The following COPG2 variants were observed in gnomAD, a reference collection of about 807,000 sequenced individuals.
COPG2 encodes the protein coat protein complex I subunit gamma 2, also known as coatomer subunit gamma-2.
In COPG2, 37 loss-of-function variants were observed where a neutral mutation model predicts 46.3. That is an observed-to-expected ratio of 0.80 (90% CI 0.61 to 1.05). COPG2 has a LOEUF of 1.05. Among genes scored for constraint, COPG2 ranks in the 50% least tolerant of loss-of-function variants. The pLI, the probability that COPG2 is intolerant of heterozygous loss-of-function variation, is 0.00. For missense variants in COPG2, 427 were observed against 387.8 expected, an observed-to-expected ratio of 1.10 and a Z score of -0.85; for synonymous variants, 159 against 129.7, an observed-to-expected ratio of 1.23 and a Z score of -1.53.
At chr7:130,661,126 C>G (rs938021824) in intron 4 of COPG2, among the ~76,000 whole-genome samples, 1 of 152,180 alleles carries the variant, frequency 6.6e-6, no homozygotes, top group African/African-American at 2.4e-5. Context: ...GGCTATTAGT[C>G]CTATCGAACA....
At chr7:130,613,521 T>C (rs782409463) in intron 7 of COPG2, 23 bp downstream of exon 7, 1 of 1,429,868 alleles carries the variant, frequency 7.0e-7, no homozygotes, top group Non-Finnish European at 9.7e-7. Flanking sequence ...GCTTAAGAAC[T>C]AGGAAGCTGC....
chr7:130,570,759 A>T (rs2116415812), intron 9 of COPG2, among the ~76,000 whole-genome samples: 1 of 152,332 alleles, frequency 6.6e-6, no homozygotes, highest in South Asian at 2.1e-4. Flanking sequence ...ACTAAGCAAA[A>T]AGAACAAATC....
At chr7:130,565,837 G>A (rs1440526808) in intron 9 of COPG2, among the ~76,000 whole-genome samples, 1 of 151,954 alleles carries the variant, frequency 6.6e-6, no homozygotes, top group Admixed American at 6.6e-5. Flanking sequence ...TAGCAGACTT[G>A]CACAGGCAGA....
intron 20 of COPG2, among the ~76,000 whole-genome samples, chr7:130,520,428 T>G (rs1456761307): frequency 6.6e-6 from 1 of 152,218 alleles, no homozygotes; most frequent in African/African-American, 2.4e-5. Flanking sequence ...GCAAATATTA[T>G]TGAGACCAGA....
intron 12 of COPG2, among the ~76,000 whole-genome samples, chr7:130,558,588 A>G (rs1047593967): frequency 2.0e-5 from 3 of 152,198 alleles, no homozygotes; most frequent in Non-Finnish European, 4.4e-5. Flanking sequence ...CAATATGATC[A>G]CAGCTCACTG....
chr7:130,534,679 A>C (rs1799861697), intron 20 of COPG2, among the ~76,000 whole-genome samples: 1 of 152,164 alleles, frequency 6.6e-6, no homozygotes, highest in South Asian at 2.1e-4. Flanking sequence ...GGAAAGGTAG[A>C]ACAGGACGGA....
intron 5 of COPG2, among the ~76,000 whole-genome samples, chr7:130,621,762 G>C (rs1422682331): frequency 2.0e-5 from 3 of 151,898 alleles, no homozygotes; most frequent in Non-Finnish European, 4.4e-5. Flanking sequence ...GGCCAACATA[G>C]TGAAACCCCG....
intron 18 of COPG2, among the ~76,000 whole-genome samples, chr7:130,548,761 C>CA (rs1793485400): frequency 6.6e-6 from 1 of 151,646 alleles, no homozygotes; most frequent in Non-Finnish European, 1.5e-5. Flanking sequence ...ACTAAAAATA[C>CA]AAAAAAATTA....
chr7:130,538,040 T>C (rs1312791104), intron 20 of COPG2, among the ~76,000 whole-genome samples: 2 of 152,016 alleles, frequency 1.3e-5, no homozygotes, highest in Non-Finnish European at 2.9e-5. Flanking sequence ...GCAGATGGAC[T>C]CAGTACAGCA....
intron 4 of COPG2, among the ~76,000 whole-genome samples, chr7:130,660,077 G>GT (rs782756460): frequency 1.3e-5 from 2 of 152,178 alleles, no homozygotes; most frequent in Non-Finnish European, 2.9e-5. Flanking sequence ...AGGAATGCTG[G>GT]TAACGGAAGG....
chr7:130,537,098 G>A (rs1204616914), intron 20 of COPG2, among the ~76,000 whole-genome samples: 7 of 152,092 alleles, frequency 4.6e-5, no homozygotes, highest in Admixed American at 2.0e-4. Flanking sequence ...GTACCGGGGG[G>A]ACGAGGATGG....
intron 9 of COPG2, among the ~76,000 whole-genome samples, chr7:130,573,300 T>C (rs1554445770): frequency 6.6e-6 from 1 of 151,400 alleles, no homozygotes; most frequent in Admixed American, 6.6e-5. Flanking sequence ...TCTTCACAAC[T>C]CTTTCAGAAA....
intron 5 of COPG2, among the ~76,000 whole-genome samples, chr7:130,618,445 T>C (rs1181485778): frequency 1.3e-5 from 2 of 152,216 alleles, no homozygotes; most frequent in African/African-American, 4.8e-5. Context: ...TATTTTTCCA[T>C]TTTGACATAT....
At chr7:130,603,591 C>T (rs1022829308) in intron 9 of COPG2, among the ~76,000 whole-genome samples, 11 of 151,552 alleles carry the variant, frequency 7.3e-5, no homozygotes, top group Non-Finnish European at 8.8e-5. Context: ...TGTGGTGGTG[C>T]GTGCCTGCAA....
intron 9 of COPG2, among the ~76,000 whole-genome samples, chr7:130,593,498 T>C (rs908229186): frequency 4.0e-5 from 6 of 151,580 alleles, no homozygotes; most frequent in African/African-American, 1.5e-4. Context: ...GGGAGGAAGA[T>C]TTTCTCTAGC....
chr7:130,538,109 C>T (rs1221572866), intron 20 of COPG2, among the ~76,000 whole-genome samples: 1 of 152,012 alleles, frequency 6.6e-6, no homozygotes, highest in East Asian at 1.9e-4. Context: ...AGGAAGGGGT[C>T]AGAGTTCAGG....
rs1320620880 is a variant in COPG2, at chr7:130,648,974, CCT to C, written c.323+3893_323+3894del. Among the ~76,000 whole-genome samples the C allele has an allele frequency of 2.6e-5, 4 of 152,106 alleles. 1 individual carries two copies. Among genetic ancestry groups the C allele is most frequent in the Admixed American group, 1.3e-4 (2 of 15,266 alleles). On this transcript the variant is annotated intron_variant, in intron 5 of 23. Transcript: ENST00000425248. ...CTCCTCTTTGAGTCTTTCACTTCAT[CCT>C]CTCTCTCTAGCTCTGAGTTGCTGCT...
intron 4 of COPG2, among the ~76,000 whole-genome samples, chr7:130,653,949 C>T (rs1227448402): frequency 1.3e-5 from 2 of 151,584 alleles, no homozygotes; most frequent in African/African-American, 2.4e-5. Context: ...ATTTCAGGAA[C>T]ACCCCACCCC....
chr7:130,529,860 G>A (rs1451254653), intron 20 of COPG2, among the ~76,000 whole-genome samples: 2 of 152,222 alleles, frequency 1.3e-5, no homozygotes, highest in African/African-American at 2.4e-5. Context: ...AACAATCACT[G>A]AATCCACGTT....
Sources: allele counts gnomAD v4.1 joint callset (sites outside exome capture counted in the v4.1 genomes callset), GRCh38; gene constraint gnomAD v4.1.1; transcripts MANE v1.5; gene names NCBI Gene and HGNC (gene_info 2026-07-23, HGNC 2026-07-21).